The following DCLK1 variants were observed in gnomAD, a reference collection of about 807,000 sequenced individuals.
DCLK1 encodes doublecortin like kinase 1, also known as serine/threonine-protein kinase DCLK1.
A neutral mutation model predicts 86.2 loss-of-function variants in DCLK1; 16 were observed. That is an observed-to-expected ratio of 0.19 (90% CI 0.13 to 0.28). The LOEUF (loss-of-function observed/expected upper bound fraction) is 0.28, where lower values mean the gene tolerates loss of function less well. DCLK1 is among the 10% of genes least tolerant of loss of function. The pLI is 1.00. For missense variants in DCLK1, 590 were observed against 940.2 expected (o/e 0.63, Z 4.87); for synonymous variants, 369 against 370.5 (o/e 1.00, Z 0.05).
At chr13:35,927,033 G>T (rs1876161687) in intron 4 of DCLK1, among the ~76,000 whole-genome samples, 1 of 152,216 alleles carries the variant, frequency 6.6e-6, no homozygotes, top group African/African-American at 2.4e-5. Flanking sequence ...ACACTAACCT[G>T]CTAGTTGACT....
rs781103461 is a variant in DCLK1, at chr13:36,126,077, A to T, written c.61T>A (p.Tyr21Asn). Residue 21 changes from tyrosine (Y) to asparagine (N), a missense_variant, in exon 2 of 17, where the codon TAC (tyrosine) becomes AAC (asparagine). Physicochemically the swap from Tyr to Asn is moderately radical, Grantham distance 143. This residue lies in a region of DCLK1 where 50 missense variants were observed against 47.8 expected (regional missense o/e 1.05). Transcript: ENST00000360631. ...HFDERDKAQR[Y>N]SRGSRVNGLP... is the part of the protein sequence containing the mutation. ...CCGTTCACCCGCGACCCTCGGCTGT[A>T]TCTCTGCGCCTTATCCCGCTCGTCG... 8.1e-6 allele frequency: 13 copies of T among 1,612,458 alleles called. No homozygotes were observed. The South Asian group carries it at 1.4e-4, about 18-fold the overall frequency.
At chr13:35,939,881 C>T (rs1024516041) in intron 4 of DCLK1, among the ~76,000 whole-genome samples, 2 of 152,144 alleles carry the variant, frequency 1.3e-5, no homozygotes, top group African/African-American at 2.4e-5. Flanking sequence ...TATTGCAAAT[C>T]ACTAGTCATT....
intron 5 of DCLK1, among the ~76,000 whole-genome samples, chr13:35,859,560 CA>C (rs1358062039): frequency 6.6e-6 from 1 of 152,138 alleles, no homozygotes; most frequent in Non-Finnish European, 1.5e-5. Flanking sequence ...CTAAGCCTGT[CA>C]GGGATCCAAC....
intron 3 of DCLK1, among the ~76,000 whole-genome samples, chr13:35,984,079 C>A (rs1879789722): frequency 6.6e-6 from 1 of 152,240 alleles, no homozygotes; most frequent in Non-Finnish European, 1.5e-5. Context: ...ACTGCTGACA[C>A]ACAGTAGGTT....
intron 11 of DCLK1, among the ~76,000 whole-genome samples, chr13:35,816,980 G>T (rs965867040): frequency 6.6e-6 from 1 of 152,066 alleles, no homozygotes; most frequent in Non-Finnish European, 1.5e-5. Flanking sequence ...TCTCTGACAG[G>T]TTCCACCAAG....
intron 3 of DCLK1, among the ~76,000 whole-genome samples, chr13:36,020,746 C>T (rs1485037262): frequency 6.6e-6 from 1 of 151,366 alleles, no homozygotes; most frequent in African/African-American, 2.4e-5. Context: ...AAAAAAAAAA[C>T]TATCAACTAA....
intron 10 of DCLK1, among the ~76,000 whole-genome samples, chr13:35,827,324 TCACA>T (rs1365756514): frequency 1.3e-5 from 2 of 152,196 alleles, no homozygotes; most frequent in Non-Finnish European, 2.9e-5. Flanking sequence ...GCTTTGTGTG[TCACA>T]CAAACTGGTG....
intron 3 of DCLK1, among the ~76,000 whole-genome samples, chr13:35,970,633 C>G (rs967487794): frequency 6.6e-6 from 1 of 152,096 alleles, no homozygotes; most frequent in Non-Finnish European, 1.5e-5. Context: ...GAGGATGCAG[C>G]CTTTAAGGTG....
intron 3 of DCLK1, among the ~76,000 whole-genome samples, chr13:36,078,618 A>G (rs1884300948): frequency 6.6e-6 from 1 of 152,186 alleles, no homozygotes; most frequent in Admixed American, 6.5e-5. Context: ...GCTATCTCCA[A>G]ATGAAGATGA....
chr13:35,907,335 AT>A (rs957583921), intron 4 of DCLK1, among the ~76,000 whole-genome samples: 16 of 151,556 alleles, frequency 1.1e-4, no homozygotes. Context: ...GCTAATTTAA[AT>A]TTTTTTTGTA....
At chr13:35,958,640 T>A (rs1878281812) in intron 3 of DCLK1, among the ~76,000 whole-genome samples, 1 of 152,236 alleles carries the variant, frequency 6.6e-6, no homozygotes, top group African/African-American at 2.4e-5. Context: ...TTGTTCTAAA[T>A]GAGCTGAGGA....
chr13:35,780,862 G>A (rs1033120356), intron 16 of DCLK1, among the ~76,000 whole-genome samples: 3 of 152,194 alleles, frequency 2.0e-5, no homozygotes, highest in African/African-American at 7.2e-5. Context: ...CATCCCCATC[G>A]TGTTGGTGCC....
At chr13:36,051,057 C>T (rs1883105512) in intron 3 of DCLK1, among the ~76,000 whole-genome samples, 1 of 152,192 alleles carries the variant, frequency 6.6e-6, no homozygotes. Context: ...ACCCCAAACA[C>T]TAAAGTGCTT....
At chr13:35,777,746 A>C (rs2086448502) in intron 16 of DCLK1, among the ~76,000 whole-genome samples, 1 of 152,118 alleles carries the variant, frequency 6.6e-6, no homozygotes, top group African/African-American at 2.4e-5. Flanking sequence ...ATATTCTCAA[A>C]CCAGCATTGA....
intron 3 of DCLK1, among the ~76,000 whole-genome samples, chr13:36,039,832 A>G (rs1252085677): frequency 6.6e-6 from 1 of 152,212 alleles, no homozygotes; most frequent in African/African-American, 2.4e-5. Flanking sequence ...GCAGTGTCTA[A>G]TAAAGTATAT....
intron 6 of DCLK1, among the ~76,000 whole-genome samples, chr13:35,854,130 G>T (rs1033855948): frequency 2.0e-5 from 3 of 152,038 alleles, no homozygotes; most frequent in Non-Finnish European, 2.9e-5. Flanking sequence ...TTTCCACCAG[G>T]GCCCTCCCCT....
At chr13:36,074,981 C>T (rs1884136169) in intron 3 of DCLK1, among the ~76,000 whole-genome samples, 1 of 152,210 alleles carries the variant, frequency 6.6e-6, no homozygotes. Context: ...CTTACCATTG[C>T]TACTGAATTT....
intron 6 of DCLK1, chr13:35,845,790 G>A: frequency 2.7e-6 from 1 of 366,256 alleles, no homozygotes; most frequent in Non-Finnish European, 3.8e-6. Context: ...AATTACAACA[G>A]AAGAATGCCA....
At chr13:36,036,846 G>T (rs1450265014) in intron 3 of DCLK1, among the ~76,000 whole-genome samples, 1 of 151,994 alleles carries the variant, frequency 6.6e-6, no homozygotes, top group African/African-American at 2.4e-5. Context: ...ATGAAAAATA[G>T]AACTATGATA....
Sources: allele counts gnomAD v4.1 joint callset (sites outside exome capture counted in the v4.1 genomes callset), GRCh38; gene constraint gnomAD v4.1.1; regional missense constraint gnomAD v4.1.1; transcripts MANE v1.5; gene names NCBI Gene and HGNC (gene_info 2026-07-23, HGNC 2026-07-21).